The following BMPR1B variants were observed in gnomAD, a reference collection of about 807,000 sequenced individuals.
The protein encoded by BMPR1B is bone morphogenetic protein receptor type 1B, also known as bone morphogenetic protein receptor type-1B.
In BMPR1B, 12 loss-of-function variants were observed where a neutral mutation model predicts 59.1. The observed-to-expected ratio is 0.20, with a 90% CI of 0.13 to 0.33. The LOEUF is 0.33. Ranked by LOEUF, BMPR1B falls within the 10% of genes least tolerant of loss-of-function variation. The pLI, the probability that BMPR1B is intolerant of heterozygous loss-of-function variation, is 1.00. For missense variants in BMPR1B, 550 were observed against 610.9 expected, an observed-to-expected ratio of 0.90 and a Z score of 1.05; for synonymous variants, 237 against 207.3, an observed-to-expected ratio of 1.14 and a Z score of -1.23.
intron 3 of BMPR1B, among the ~76,000 whole-genome samples, chr4:95,027,062 G>A (rs1413112984): frequency 6.6e-6 from 1 of 152,024 alleles, no homozygotes; most frequent in Non-Finnish European, 1.5e-5. Flanking sequence ...ACTATGCTCA[G>A]CCAAGATTTT....
intron 3 of BMPR1B, among the ~76,000 whole-genome samples, chr4:95,025,675 T>C (rs1170897706): frequency 2.0e-5 from 3 of 152,052 alleles, no homozygotes; most frequent in Non-Finnish European, 4.4e-5. Flanking sequence ...AGGAGGTGAG[T>C]GGGACAAATT....
At chr4:94,934,453 GTT>G (rs371268875) in intron 2 of BMPR1B, among the ~76,000 whole-genome samples, 3 of 115,278 alleles carry the variant, frequency 2.6e-5, no homozygotes, top group Admixed American at 8.9e-5. Context: ...CCCAGCTATG[GTT>G]TTTTTTTTTT....
intron 1 of BMPR1B, among the ~76,000 whole-genome samples, chr4:94,817,562 C>G (rs1356117564): frequency 2.6e-5 from 4 of 151,926 alleles, no homozygotes; most frequent in Non-Finnish European, 5.9e-5. Context: ...TAATGTCTCC[C>G]TCGTAGGTGG....
At chr4:94,846,218 C>T (rs1259604264) in intron 1 of BMPR1B, among the ~76,000 whole-genome samples, 1 of 152,136 alleles carries the variant, frequency 6.6e-6, no homozygotes, top group African/African-American at 2.4e-5. Context: ...GGGGAAAAGC[C>T]AGTCTCTTCA....
intron 10 of BMPR1B, among the ~76,000 whole-genome samples, chr4:95,133,738 AT>A (rs113650137): frequency 2.6e-3 from 380 of 143,800 alleles, no homozygotes; most frequent in Middle Eastern, 3.6e-3. Flanking sequence ...TGCCTGGCTA[AT>A]TTTTTTTTTT....
At chr4:94,881,418 T>A (rs960181710) in intron 2 of BMPR1B, among the ~76,000 whole-genome samples, 1 of 152,144 alleles carries the variant, frequency 6.6e-6, no homozygotes, top group Admixed American at 6.6e-5. Flanking sequence ...GCAGAAGAAT[T>A]TGGCAACGAG....
chr4:95,123,799 T>C lies in BMPR1B; in HGVS notation c.350-11T>C. ...TCTCTTGATTATGGCTCTTTTTCTT[T>C]TTAATTTCAGATTTTGTTGATGGAC... is the stretch of plus-strand genomic sequence containing the variant. On this transcript the variant is annotated splice_polypyrimidine_tract_variant and intron_variant, in intron 6 of 12. Coordinates refer to ENST00000515059, the MANE Select transcript of BMPR1B (RefSeq NM_001203.3). The C allele has an allele frequency of 6.3e-7, 1 of 1,587,280 alleles. No homozygotes were observed. Among genetic ancestry groups the C allele is most frequent in the South Asian group, 1.1e-5 (1 of 90,036 alleles).
intron 2 of BMPR1B, among the ~76,000 whole-genome samples, chr4:94,958,969 T>C (rs759726733): frequency 2.0e-5 from 3 of 152,072 alleles, no homozygotes; most frequent in Non-Finnish European, 2.9e-5. Flanking sequence ...GGAATGAGCA[T>C]GGTATAGTTG....
chr4:95,083,678 A>G (rs1320695081), intron 3 of BMPR1B, among the ~76,000 whole-genome samples: 1 of 152,196 alleles, frequency 6.6e-6, no homozygotes, highest in Non-Finnish European at 1.5e-5. Flanking sequence ...GTATTATACT[A>G]TGCATGCAGA....
intron 1 of BMPR1B, among the ~76,000 whole-genome samples, chr4:94,791,121 G>C (rs543553527): frequency 2.7e-4 from 41 of 152,196 alleles, no homozygotes; most frequent in African/African-American, 9.6e-4. Context: ...CTCCCAAGTT[G>C]CTGGGATTAC....
intron 3 of BMPR1B, among the ~76,000 whole-genome samples, chr4:95,071,888 T>C (rs945948125): frequency 6.6e-6 from 1 of 151,972 alleles, no homozygotes; most frequent in African/African-American, 2.4e-5. Context: ...ATTGGGGTTC[T>C]CCAGAGAAAC....
intron 1 of BMPR1B, among the ~76,000 whole-genome samples, chr4:94,856,291 G>A (rs1725752810): frequency 6.6e-6 from 1 of 152,128 alleles, no homozygotes; most frequent in South Asian, 2.1e-4. Flanking sequence ...TTTTTCTGAG[G>A]ATGCTGTAGC....
intron 10 of BMPR1B, among the ~76,000 whole-genome samples, chr4:95,137,274 T>C (rs1016063426): frequency 6.6e-6 from 1 of 152,164 alleles, no homozygotes; most frequent in Non-Finnish European, 1.5e-5. Context: ...GTCTGAGAGA[T>C]AGTTTGTTAT....
At position 94,865,422 on chromosome 4, in the gene BMPR1B, G is replaced by A. The variant is rs142851979; in HGVS notation, c.-182-10409G>A. Among the ~76,000 whole-genome samples, 464 of 148,854 alleles carry A rather than the reference G, an allele frequency of 3.1e-3. 3 individuals are homozygous for A. The highest frequency in any genetic ancestry group is 7.1e-3 in the Middle Eastern group (2 of 282). ...TTTAATTTTTTTGAGACGGAGTCTC[G>A]CTCTGTCACCCGGGCTGGAGTACAG... On this transcript the variant is annotated intron_variant, in intron 1 of 12. Transcript: ENST00000515059.
At chr4:95,038,664 A>G (rs1347230805) in intron 3 of BMPR1B, among the ~76,000 whole-genome samples, 1 of 152,218 alleles carries the variant, frequency 6.6e-6, no homozygotes. Flanking sequence ...AAAAAATTAA[A>G]AATACGTTTA....
chr4:94,816,183 G>A (rs1724002299), intron 1 of BMPR1B, among the ~76,000 whole-genome samples: 1 of 152,166 alleles, frequency 6.6e-6, no homozygotes, highest in Non-Finnish European at 1.5e-5. Flanking sequence ...GTCTTGCTGT[G>A]TCAACTAGGC....
intron 2 of BMPR1B, among the ~76,000 whole-genome samples, chr4:94,934,749 G>T (rs1729226592): frequency 6.6e-6 from 1 of 152,014 alleles, no homozygotes; most frequent in South Asian, 2.1e-4. Flanking sequence ...TGCAAAATAG[G>T]TTTTAAAAGT....
intron 3 of BMPR1B, among the ~76,000 whole-genome samples, chr4:95,040,603 A>G (rs2149171427): frequency 6.6e-6 from 1 of 152,334 alleles, no homozygotes; most frequent in Admixed American, 6.5e-5. Flanking sequence ...AATCTCTTTC[A>G]AATAGAGCTT....
chr4:94,830,711 G>C (rs2110669806), intron 1 of BMPR1B, among the ~76,000 whole-genome samples: 1 of 152,232 alleles, frequency 6.6e-6, no homozygotes, highest in East Asian at 1.9e-4. Context: ...ATGACGTTTT[G>C]GTCATTGAGA....
Sources: allele counts gnomAD v4.1 joint callset (sites outside exome capture counted in the v4.1 genomes callset), GRCh38; gene constraint gnomAD v4.1.1; transcripts MANE v1.5; gene names NCBI Gene and HGNC (gene_info 2026-07-23, HGNC 2026-07-21).